WDPCP: variants seen among roughly 807,000 people sequenced by gnomAD.
WDPCP encodes WD repeat containing planar cell polarity effector.
Under a neutral mutation model 93.1 loss-of-function variants are expected in WDPCP, and 71 were observed. The observed-to-expected ratio is 0.76, with a 90% CI of 0.63 to 0.93. The LOEUF is 0.93. Ranked by LOEUF, WDPCP falls within the 40% of genes least tolerant of loss-of-function variation. The pLI is 0.00. For missense variants in WDPCP, 844 were observed against 887.4 expected, an observed-to-expected ratio of 0.95 and a Z score of 0.62; for synonymous variants, 315 against 315.0, an observed-to-expected ratio of 1.00 and a Z score of 0.00.
intron 14 of WDPCP, among the ~76,000 whole-genome samples, chr2:63,216,157 C>T (rs1677317549): frequency 6.6e-6 from 1 of 152,156 alleles, no homozygotes; most frequent in African/African-American, 2.4e-5. Context: ...GGCAATTCCT[C>T]AAGGATCTAG....
chr2:63,304,485 G>A (rs1465256573), intron 13 of WDPCP, among the ~76,000 whole-genome samples: 2 of 152,206 alleles, frequency 1.3e-5, no homozygotes, highest in Non-Finnish European at 2.9e-5. Flanking sequence ...AAGGGGTCGG[G>A]GAACTCCCTC....
At chr2:63,708,248 G>T (rs937255024) in intron 2 of WDPCP, among the ~76,000 whole-genome samples, 1 of 152,218 alleles carries the variant, frequency 6.6e-6, no homozygotes, top group African/African-American at 2.4e-5. Flanking sequence ...AGGCAGGCAG[G>T]CCTCCTTGAG....
intron 17 of WDPCP, among the ~76,000 whole-genome samples, chr2:63,148,976 A>C (rs1293262679): frequency 6.6e-6 from 1 of 152,190 alleles, no homozygotes; most frequent in East Asian, 1.9e-4. Flanking sequence ...GGAAATAAGG[A>C]AGGACATCTT....
chr2:63,535,462 A>G (rs1704202382), intron 1 of WDPCP, among the ~76,000 whole-genome samples: 2 of 152,220 alleles, frequency 1.3e-5, no homozygotes, highest in Non-Finnish European at 2.9e-5. Flanking sequence ...TTCAAACTAT[A>G]CTACAAGGCT....
chr2:63,198,843 C>T lies in WDPCP; in HGVS notation c.1916-24011G>A, dbSNP rs111754317. Among the ~76,000 whole-genome samples, 712 of 152,126 alleles carry T rather than the reference C, an allele frequency of 4.7e-3. 5 individuals carry two copies. The highest frequency in any genetic ancestry group is 0.016 in the African/African-American group (682 of 41,474). Reference sequence around the variant, plus strand: ...AGCAACTTTGGAACTGGGTAGTGGGCAGAAGTTGGAACAGTTTGGAGGGCT... The same window carrying T: ...AGCAACTTTGGAACTGGGTAGTGGGTAGAAGTTGGAACAGTTTGGAGGGCT... On this transcript the variant is annotated intron_variant, in intron 14 of 17. Coordinates refer to ENST00000272321, the MANE Select transcript of WDPCP (RefSeq NM_015910.7).
chr2:63,763,852 G>C (rs995283273), intron 2 of WDPCP, among the ~76,000 whole-genome samples: 1 of 152,104 alleles, frequency 6.6e-6, no homozygotes, highest in Non-Finnish European at 1.5e-5. Context: ...GCTTCAAACG[G>C]TACAGGGTGG....
At chr2:63,606,019 T>C (rs1041530312) in intron 3 of WDPCP, 3 of 1,613,700 alleles carry the variant, frequency 1.9e-6, no homozygotes, top group Admixed American at 1.7e-5. Context: ...CATTCCCTGT[T>C]GTAATCAAGG....
At chr2:63,184,156 C>G (rs1674455768) in intron 14 of WDPCP, among the ~76,000 whole-genome samples, 1 of 152,092 alleles carries the variant, frequency 6.6e-6, no homozygotes, top group African/African-American at 2.4e-5. Context: ...AGGTTTGTTT[C>G]TATCATAATG....
chr2:63,647,708 G>A (rs1022681260), intron 3 of WDPCP, among the ~76,000 whole-genome samples: 1 of 152,024 alleles, frequency 6.6e-6, no homozygotes, highest in Non-Finnish European at 1.5e-5. Flanking sequence ...TCAATATCCT[G>A]GTTTTGATAT....
chr2:63,323,088 A>G (rs1170646337), intron 12 of WDPCP, among the ~76,000 whole-genome samples: 2 of 152,238 alleles, frequency 1.3e-5, no homozygotes, highest in Non-Finnish European at 2.9e-5. Flanking sequence ...GAGGAAAGCC[A>G]TTCAGCTCCG....
At chr2:63,534,068 G>A (rs570439841) in intron 1 of WDPCP, among the ~76,000 whole-genome samples, 2 of 152,034 alleles carry the variant, frequency 1.3e-5, no homozygotes, top group Non-Finnish European at 2.9e-5. Flanking sequence ...TACCATCAGA[G>A]AATACTACAA....
chr2:63,689,766 C>T (rs968774816), intron 2 of WDPCP, among the ~76,000 whole-genome samples: 2 of 152,100 alleles, frequency 1.3e-5, no homozygotes, highest in Non-Finnish European at 2.9e-5. Flanking sequence ...AAATTTTATT[C>T]TTATTTATGC....
At chr2:63,628,890 G>T (rs1037748355) in intron 3 of WDPCP, among the ~76,000 whole-genome samples, 2 of 152,176 alleles carry the variant, frequency 1.3e-5, no homozygotes, top group Non-Finnish European at 2.9e-5. Context: ...GCTGGAATGG[G>T]CTTCACAGTT....
chr2:63,662,223 C>T (rs1372551663), intron 2 of WDPCP, among the ~76,000 whole-genome samples: 5 of 152,172 alleles, frequency 3.3e-5, no homozygotes, highest in Non-Finnish European at 7.3e-5. Context: ...AAACATAGCT[C>T]TGCCACCTAT....
At chr2:63,710,544 C>T (rs545441157) in intron 2 of WDPCP, among the ~76,000 whole-genome samples, 10 of 152,226 alleles carry the variant, frequency 6.6e-5, no homozygotes, top group East Asian at 5.8e-4. Flanking sequence ...AGACCCATGC[C>T]GAACCCTGAC....
intron 2 of WDPCP, among the ~76,000 whole-genome samples, chr2:63,720,137 C>A (rs1256353663): frequency 6.6e-6 from 1 of 152,098 alleles, no homozygotes; most frequent in Non-Finnish European, 1.5e-5. Flanking sequence ...GCTAAATAGG[C>A]CTGGCGCAGT....
intron 3 of WDPCP, chr2:63,594,176 A>G: frequency 6.0e-6 from 3 of 499,262 alleles, no homozygotes; most frequent in Non-Finnish European, 4.0e-6. Flanking sequence ...AGTGGCTGCC[A>G]GGGTTTGGAT....
At chr2:63,299,007 G>T (rs939580996) in intron 13 of WDPCP, among the ~76,000 whole-genome samples, 1 of 152,208 alleles carries the variant, frequency 6.6e-6, no homozygotes, top group Non-Finnish European at 1.5e-5. Context: ...ATGTAGGCTA[G>T]GCTTGTCTAC....
At chr2:63,629,903 T>G (rs1303444311) in intron 3 of WDPCP, among the ~76,000 whole-genome samples, 1 of 152,242 alleles carries the variant, frequency 6.6e-6, no homozygotes, top group Non-Finnish European at 1.5e-5. Context: ...TGAAAATTAC[T>G]TGTCACACCA....
Sources: allele counts gnomAD v4.1 joint callset (sites outside exome capture counted in the v4.1 genomes callset), GRCh38; gene constraint gnomAD v4.1.1; transcripts MANE v1.5; gene names NCBI Gene and HGNC (gene_info 2026-07-23, HGNC 2026-07-21).